Variants in LOC400499 observed in about 807,000 individuals in gnomAD.
At chr16:11,477,985 G>C in the LOC400499 span, 3 of 398,874 alleles carry the variant, frequency 7.5e-6, no homozygotes, top group Non-Finnish European at 1.3e-5. Context: ...TCAGCCTCCG[G>C]TTCATCTGCA....
the LOC400499 span, chr16:11,424,136 G>A: frequency 5.0e-6 from 2 of 399,336 alleles, no homozygotes. Flanking sequence ...CATCTAAGGA[G>A]AAGGGGAGGC....
chr16:11,516,579 C>T, the LOC400499 span, among the ~76,000 whole-genome samples: 1 of 152,186 alleles, frequency 6.6e-6, no homozygotes, highest in African/African-American at 2.4e-5. Flanking sequence ...GGCTGAGACC[C>T]CAAGAGCTGC....
the LOC400499 span, among the ~76,000 whole-genome samples, chr16:11,517,107 G>A: frequency 1.3e-5 from 2 of 152,136 alleles, no homozygotes; most frequent in African/African-American, 4.8e-5. Flanking sequence ...GGGGAGAGCA[G>A]CTCTCATCCT....
chr16:11,456,782 G>A, the LOC400499 span: 1 of 1,468,222 alleles, frequency 6.8e-7, no homozygotes, highest in Non-Finnish European at 9.2e-7. Flanking sequence ...TTCCAGGAAG[G>A]AGGCATAGCT....
the LOC400499 span, among the ~76,000 whole-genome samples, chr16:11,413,969 T>C: frequency 6.6e-6 from 1 of 152,130 alleles, no homozygotes. Context: ...ATCCTGCCTT[T>C]CTCTGGAGCC....
At chr16:11,390,098 G>A in the LOC400499 span, 12 of 1,231,978 alleles carry the variant, frequency 9.7e-6, no homozygotes, top group African/African-American at 1.5e-5. Flanking sequence ...CTCAAACCCC[G>A]AGTTACCTGG....
chr16:11,492,420 CCT>C, the LOC400499 span, among the ~76,000 whole-genome samples: 2 of 152,046 alleles, frequency 1.3e-5, no homozygotes, highest in African/African-American at 4.8e-5. Context: ...CAACTCAGCC[CCT>C]GTCCACCTGA....
the LOC400499 span, among the ~76,000 whole-genome samples, chr16:11,505,216 G>A: frequency 5.7e-4 from 86 of 151,640 alleles, no homozygotes; most frequent in Non-Finnish European, 1.0e-3. Flanking sequence ...ACCCACCATG[G>A]TCGATTTCAA....
chr16:11,514,686 G>C, the LOC400499 span: 1 of 397,864 alleles, frequency 2.5e-6, no homozygotes, highest in Non-Finnish European at 4.4e-6. Flanking sequence ...AGGAGACCCT[G>C]AGGGCTGCAT....
chr16:11,449,787 C>G, the LOC400499 span, among the ~76,000 whole-genome samples: 2 of 152,244 alleles, frequency 1.3e-5, no homozygotes, highest in Non-Finnish European at 2.9e-5. Flanking sequence ...ATGCTTGGGC[C>G]AAGACCTCAG....
the LOC400499 span, chr16:11,387,012 C>G: frequency 1.1e-6 from 1 of 951,606 alleles, no homozygotes; most frequent in Non-Finnish European, 1.4e-6. Context: ...AAGCTCTGGG[C>G]CTGGCACTGT....
the LOC400499 span, among the ~76,000 whole-genome samples, chr16:11,504,975 T>C: frequency 0.022 from 3,343 of 152,028 alleles, 138 homozygotes; most frequent in African/African-American, 0.076. Context: ...AGTAAGGAGC[T>C]TTTACTATGT....
the LOC400499 span, among the ~76,000 whole-genome samples, chr16:11,421,457 A>G: frequency 6.6e-6 from 1 of 151,974 alleles, no homozygotes; most frequent in Non-Finnish European, 1.5e-5. Flanking sequence ...TCCGGAGTGC[A>G]GTGGCACAAT....
chr16:11,410,497 G>C, the LOC400499 span, among the ~76,000 whole-genome samples: 6 of 152,288 alleles, frequency 3.9e-5, no homozygotes, highest in South Asian at 1.2e-3. Flanking sequence ...GAAGTTCCCT[G>C]AATGACTGTG....
At chr16:11,496,427 AG>A in the LOC400499 span, among the ~76,000 whole-genome samples, 1 of 152,202 alleles carries the variant, frequency 6.6e-6, no homozygotes, top group African/African-American at 2.4e-5. Context: ...TTACTACGCT[AG>A]GGTGTGAGCA....
the LOC400499 span, chr16:11,469,813 G>C: frequency 2.5e-6 from 1 of 396,420 alleles, no homozygotes; most frequent in East Asian, 3.6e-5. Context: ...AACAGCCCAG[G>C]ACCATGTCCA....
chr16:11,393,017 G>T, the LOC400499 span, among the ~76,000 whole-genome samples: 2 of 152,048 alleles, frequency 1.3e-5, no homozygotes, highest in East Asian at 3.9e-4. Context: ...ACTGTGCCCG[G>T]CTACTTTTTT....
the LOC400499 span, among the ~76,000 whole-genome samples, chr16:11,515,276 T>G: frequency 2.6e-5 from 4 of 151,470 alleles, no homozygotes; most frequent in Admixed American, 6.6e-5. Flanking sequence ...CAAGACACCA[T>G]CTCTACTAAA....
At chr16:11,515,781 G>A in the LOC400499 span, 1 of 402,412 alleles carries the variant, frequency 2.5e-6, no homozygotes, top group Non-Finnish European at 4.4e-6. Flanking sequence ...AGGAGGAGGA[G>A]GAAAAGGGAG....
Sources: gnomAD v4.1 joint callset for allele counts (sites outside exome capture counted in the v4.1 genomes callset) on GRCh38, gnomAD v4.1.1 for gene constraint, MANE v1.5 for transcripts.